NAV2: variants seen among roughly 807,000 people sequenced by gnomAD.
NAV2 encodes helicase, APC down-regulated 1.
In NAV2, 54 loss-of-function variants were observed where a neutral mutation model predicts 223.2. The ratio of observed to expected loss-of-function variants is 0.24; its 90% CI spans 0.19 to 0.30. NAV2 has a LOEUF of 0.30. NAV2 is among the 10% of genes least tolerant of loss of function. The probability of loss-of-function intolerance (pLI) is 1.00; values close to 1 mark genes in which losing one functional copy is unlikely to be tolerated. For synonymous variants in NAV2, 1,279 were observed against 1,239.3 expected, an observed-to-expected ratio of 1.03 and a Z score of -0.67; for missense variants, 2,806 against 3,147.5, an observed-to-expected ratio of 0.89 and a Z score of 2.60.
At chr11:20,025,703 T>C (rs933939060) in intron 11 of NAV2, among the ~76,000 whole-genome samples, 4 of 152,176 alleles carry the variant, frequency 2.6e-5, no homozygotes, top group African/African-American at 9.7e-5. Context: ...CTTGGAGCCT[T>C]TTTTATGCGG....
At chr11:19,720,323 T>C (rs993819665) in intron 1 of NAV2, among the ~76,000 whole-genome samples, 1 of 152,146 alleles carries the variant, frequency 6.6e-6, no homozygotes, top group African/African-American at 2.4e-5. Flanking sequence ...CAATAGTGAG[T>C]GACACAAAGT....
chr11:19,670,224 C>A, intron 1 of NAV2, among the ~76,000 whole-genome samples: 1 of 152,218 alleles, frequency 6.6e-6, no homozygotes, highest in African/African-American at 2.4e-5. Context: ...TCCATGACAT[C>A]TCTGCGTAGG....
intron 1 of NAV2, among the ~76,000 whole-genome samples, chr11:19,574,275 G>A (rs2045509105): frequency 1.3e-5 from 2 of 152,160 alleles, no homozygotes; most frequent in African/African-American, 2.4e-5. Context: ...AAAAATAAAT[G>A]TTAGATATTT....
intron 1 of NAV2, among the ~76,000 whole-genome samples, chr11:19,700,751 G>A (rs1489367146): frequency 1.3e-5 from 2 of 152,166 alleles, no homozygotes; most frequent in Non-Finnish European, 2.9e-5. Flanking sequence ...TGTCTTACCT[G>A]CTAACATAGC....
At chr11:19,692,138 T>A (rs1031778066) in intron 1 of NAV2, among the ~76,000 whole-genome samples, 1 of 152,214 alleles carries the variant, frequency 6.6e-6, no homozygotes, top group Non-Finnish European at 1.5e-5. Flanking sequence ...ATGGGATCCA[T>A]CTGACAGTTT....
intron 11 of NAV2, among the ~76,000 whole-genome samples, chr11:20,003,963 A>T (rs1020858583): frequency 2.0e-5 from 3 of 152,236 alleles, no homozygotes; most frequent in Non-Finnish European, 4.4e-5. Flanking sequence ...GCTAGAAAGT[A>T]TGGAAGGCTC....
chr11:19,410,855 T>C (rs1850114511), intron 1 of NAV2, among the ~76,000 whole-genome samples: 1 of 152,106 alleles, frequency 6.6e-6, no homozygotes, highest in Non-Finnish European at 1.5e-5. Context: ...CAATTGTTTA[T>C]TTTTTGTTTG....
intron 1 of NAV2, among the ~76,000 whole-genome samples, chr11:19,553,483 T>G (rs77313771): frequency 0.052 from 7,804 of 151,010 alleles, 693 homozygotes; most frequent in African/African-American, 0.18. Flanking sequence ...AGCCTTCATC[T>G]GAGCACCAAT....
intron 10 of NAV2, among the ~76,000 whole-genome samples, chr11:19,969,103 C>G (rs542908106): frequency 6.6e-6 from 1 of 152,330 alleles, no homozygotes; most frequent in African/African-American, 2.4e-5. Flanking sequence ...GTGGTACTGT[C>G]CTGACCTATA....
intron 7 of NAV2, among the ~76,000 whole-genome samples, chr11:19,937,210 A>G (rs1248796228): frequency 6.6e-6 from 1 of 152,152 alleles, no homozygotes; most frequent in African/African-American, 2.4e-5. Context: ...CTTGACTCTA[A>G]ATCACTTTAT....
chr11:19,777,682 G>GGT (rs1365966385), intron 1 of NAV2: 6 of 400,900 alleles, frequency 1.5e-5, no homozygotes, highest in East Asian at 1.4e-4. Flanking sequence ...TCTCAGGGGA[G>GGT]GTGTGTGTGT....
At chr11:19,400,880 A>G (rs2133306496) in intron 1 of NAV2, among the ~76,000 whole-genome samples, 1 of 152,350 alleles carries the variant, frequency 6.6e-6, no homozygotes, top group Non-Finnish European at 1.5e-5. Flanking sequence ...ACAGAAGGGC[A>G]GTTCTAATCT....
At chr11:19,408,683 A>C (rs2133374480) in intron 1 of NAV2, among the ~76,000 whole-genome samples, 1 of 152,316 alleles carries the variant, frequency 6.6e-6, no homozygotes, top group South Asian at 2.1e-4. Context: ...TTGAATTATT[A>C]TCCCTATTTT....
At chr11:19,572,873 A>G (rs907992947) in intron 1 of NAV2, among the ~76,000 whole-genome samples, 5 of 152,164 alleles carry the variant, frequency 3.3e-5, no homozygotes, top group Admixed American at 3.3e-4. Context: ...AATTAGTATA[A>G]TTACCTGGGG....
At chr11:19,621,050 T>C (rs1290592050) in intron 1 of NAV2, among the ~76,000 whole-genome samples, 1 of 152,232 alleles carries the variant, frequency 6.6e-6, no homozygotes, top group Non-Finnish European at 1.5e-5. Flanking sequence ...TCTGTTTATA[T>C]GACGGATTAG....
intron 8 of NAV2, among the ~76,000 whole-genome samples, chr11:19,943,978 A>C (rs2046622303): frequency 6.6e-6 from 1 of 152,038 alleles, no homozygotes; most frequent in Admixed American, 6.5e-5. Flanking sequence ...TGGGTGGATC[A>C]CCTGAAGCCA....
At chr11:20,073,490 G>T (rs1396563850) in intron 22 of NAV2, among the ~76,000 whole-genome samples, 1 of 152,050 alleles carries the variant, frequency 6.6e-6, no homozygotes, top group Non-Finnish European at 1.5e-5. Context: ...CTATTATTTG[G>T]AATAGTTTCA....
intron 11 of NAV2, among the ~76,000 whole-genome samples, chr11:20,010,545 C>T (rs975799893): frequency 2.6e-5 from 4 of 152,100 alleles, no homozygotes; most frequent in East Asian, 1.9e-4. Flanking sequence ...AATTCAAACA[C>T]GCCTCTCTGT....
chr11:19,554,631 G>A (rs551290146), intron 1 of NAV2, among the ~76,000 whole-genome samples: 2 of 152,304 alleles, frequency 1.3e-5, no homozygotes, highest in South Asian at 4.2e-4. Flanking sequence ...TCTATAAAAT[G>A]AGGGAGTAGG....
Sources: allele counts gnomAD v4.1 joint callset (sites outside exome capture counted in the v4.1 genomes callset), GRCh38; gene constraint gnomAD v4.1.1; transcripts MANE v1.5; gene names NCBI Gene and HGNC (gene_info 2026-07-23, HGNC 2026-07-21).